CDKAL1: variants seen among roughly 807,000 people sequenced by gnomAD.
The protein encoded by CDKAL1 is threonylcarbamoyladenosine tRNA methylthiotransferase.
Under a neutral mutation model 68.2 loss-of-function variants are expected in CDKAL1, and 32 were observed. That is an observed-to-expected ratio of 0.47 (90% CI 0.35 to 0.63). The LOEUF (loss-of-function observed/expected upper bound fraction) is 0.63, where lower values mean the gene tolerates loss of function less well. Among genes scored for constraint, CDKAL1 ranks in the 30% least tolerant of loss-of-function variants. The pLI, the probability that CDKAL1 is intolerant of heterozygous loss-of-function variation, is 0.00. For synonymous variants in CDKAL1, 234 were observed against 244.3 expected (o/e 0.96, Z 0.39); for missense variants, 606 against 696.7 (o/e 0.87, Z 1.47).
chr6:20,613,028 CACACACACACACACACAA>C (rs1303586333), intron 4 of CDKAL1, among the ~76,000 whole-genome samples: 9 of 146,656 alleles, frequency 6.1e-5, no homozygotes, highest in South Asian at 2.1e-4. Flanking sequence ...CACACACACA[CACACACACACACACACAA>C]AGGGTATGGA....
At chr6:20,984,284 T>C (rs1766321493) in intron 10 of CDKAL1, among the ~76,000 whole-genome samples, 1 of 152,152 alleles carries the variant, frequency 6.6e-6, no homozygotes, top group Admixed American at 6.5e-5. Flanking sequence ...AGAGTCTACT[T>C]GCTTGGTCCT....
At chr6:20,733,951 C>A (rs553580988) in intron 5 of CDKAL1, among the ~76,000 whole-genome samples, 1 of 151,848 alleles carries the variant, frequency 6.6e-6, no homozygotes, top group East Asian at 1.9e-4. Context: ...GAGTTTGAGA[C>A]CAGGCTGGCC....
At chr6:20,579,367 T>C (rs1765049496) in intron 4 of CDKAL1, among the ~76,000 whole-genome samples, 1 of 152,156 alleles carries the variant, frequency 6.6e-6, no homozygotes, top group Non-Finnish European at 1.5e-5. Context: ...AAAAAGCATA[T>C]GTAAATTGTG....
chr6:20,660,320 C>T (rs1285916743), intron 5 of CDKAL1, among the ~76,000 whole-genome samples: 1 of 152,098 alleles, frequency 6.6e-6, no homozygotes, highest in Non-Finnish European at 1.5e-5. Flanking sequence ...CTTTGACGCT[C>T]TGACTCTACT....
chr6:20,588,565 A>G (rs1411832083), intron 4 of CDKAL1, among the ~76,000 whole-genome samples: 1 of 152,146 alleles, frequency 6.6e-6, no homozygotes, highest in East Asian at 1.9e-4. Flanking sequence ...TTTTCTTTCT[A>G]TTTCAGGTTT....
chr6:20,912,345 G>T (rs546974402), intron 9 of CDKAL1, among the ~76,000 whole-genome samples: 1 of 152,268 alleles, frequency 6.6e-6, no homozygotes, highest in Admixed American at 6.5e-5. Context: ...CCTGGGTTAA[G>T]GAGCCAAGAC....
chr6:20,779,511 G>T (rs1274822896), intron 7 of CDKAL1, among the ~76,000 whole-genome samples: 1 of 152,186 alleles, frequency 6.6e-6, no homozygotes, highest in African/African-American at 2.4e-5. Context: ...TTGGGGTGAT[G>T]TTCCATTCAG....
intron 4 of CDKAL1, among the ~76,000 whole-genome samples, chr6:20,583,633 A>G (rs890138263): frequency 6.6e-6 from 1 of 151,392 alleles, no homozygotes; most frequent in Non-Finnish European, 1.5e-5. Context: ...TTTTTTTTTT[A>G]ATGGATGGCA....
chr6:20,930,986 G>T (rs886625739), intron 9 of CDKAL1, among the ~76,000 whole-genome samples: 1 of 150,280 alleles, frequency 6.7e-6, no homozygotes, highest in Non-Finnish European at 1.5e-5. Context: ...CTCATGATCC[G>T]CCCGCCTCGG....
At chr6:20,707,991 A>G (rs768838903) in intron 5 of CDKAL1, among the ~76,000 whole-genome samples, 6 of 100,434 alleles carry the variant, frequency 6.0e-5, no homozygotes, top group African/African-American at 1.1e-4. Flanking sequence ...AATATGTAGT[A>G]TATTATAAGA....
chr6:21,197,899 A>G, intron 13 of CDKAL1, 122 bp from the exon 14 acceptor site: 2 of 526,266 alleles, frequency 3.8e-6, no homozygotes, highest in South Asian at 7.1e-5. Context: ...TGTAGAGTCT[A>G]CTTTAAATTC....
chr6:21,004,565 T>A (rs1472380306), intron 11 of CDKAL1, among the ~76,000 whole-genome samples: 1 of 152,238 alleles, frequency 6.6e-6, no homozygotes, highest in East Asian at 1.9e-4. Context: ...TTGATGTTTT[T>A]ATCTAAATGG....
At chr6:20,897,519 A>C (rs1196904030) in intron 9 of CDKAL1, among the ~76,000 whole-genome samples, 1 of 152,138 alleles carries the variant, frequency 6.6e-6, no homozygotes, top group Non-Finnish European at 1.5e-5. Flanking sequence ...GATAACATAC[A>C]TCTGTAATAT....
intron 11 of CDKAL1, among the ~76,000 whole-genome samples, chr6:21,000,734 A>G (rs969018221): frequency 6.6e-6 from 1 of 152,222 alleles, no homozygotes; most frequent in African/African-American, 2.4e-5. Context: ...TGGTTTTGAC[A>G]TGGACAGAGG....
At chr6:20,803,559 A>G (rs1776453234) in intron 8 of CDKAL1, among the ~76,000 whole-genome samples, 2 of 152,206 alleles carry the variant, frequency 1.3e-5, no homozygotes, top group Admixed American at 6.5e-5. Context: ...CGGTGATAGT[A>G]AAGTGTTCAT....
chr6:20,735,028 C>T (rs1312708877), intron 5 of CDKAL1, among the ~76,000 whole-genome samples: 2 of 151,756 alleles, frequency 1.3e-5, no homozygotes, highest in Admixed American at 1.3e-4. Context: ...GCCACCATGC[C>T]CGGCTAATTT....
chr6:21,153,059 G>A lies in CDKAL1; in HGVS notation c.1299+44596G>A, dbSNP rs564952523. On this transcript the variant is annotated intron_variant, in intron 13 of 15. Transcript: ENST00000274695. ...ATAATTCATGTTCACTGGTTCAGAAGTAGGTGATGTTTTGAAAATTCATTT... is the reference window on the plus strand; with the variant it reads ...ATAATTCATGTTCACTGGTTCAGAAATAGGTGATGTTTTGAAAATTCATTT... Among the ~76,000 whole-genome samples, 9 of 152,214 alleles carry A rather than the reference G, an allele frequency of 5.9e-5. No individual in the cohort carries two copies. In the South Asian group the frequency reaches 8.3e-4, roughly 14 times the overall value.
chr6:20,925,376 G>A (rs1255050925), intron 9 of CDKAL1, among the ~76,000 whole-genome samples: 3 of 152,106 alleles, frequency 2.0e-5, no homozygotes, highest in Admixed American at 6.5e-5. Flanking sequence ...TTGCTTTATT[G>A]CACTTTTTCC....
intron 5 of CDKAL1, 97 bp downstream of exon 5, chr6:20,649,474 T>G (rs1768645850): frequency 4.6e-6 from 3 of 649,340 alleles, no homozygotes; most frequent in Non-Finnish European, 7.8e-6. Context: ...GATATTTAGT[T>G]TATATTAAAA....
Sources: allele counts gnomAD v4.1 joint callset (sites outside exome capture counted in the v4.1 genomes callset), GRCh38; gene constraint gnomAD v4.1.1; transcripts MANE v1.5; gene names NCBI Gene and HGNC (gene_info 2026-07-23, HGNC 2026-07-21).